The following SCMH1 variants were observed in gnomAD, a reference collection of about 807,000 sequenced individuals.
The protein encoded by SCMH1 is Scm polycomb group protein homolog 1, also known as polycomb protein SCMH1.
Under a neutral mutation model 70.8 loss-of-function variants are expected in SCMH1, and 37 were observed. That is an observed-to-expected ratio of 0.52 (90% CI 0.40 to 0.69). The LOEUF (loss-of-function observed/expected upper bound fraction) is 0.69. Among genes scored for constraint, SCMH1 ranks in the 30% least tolerant of loss-of-function variants. The pLI, the probability that SCMH1 is intolerant of heterozygous loss-of-function variation, is 0.00. For missense variants in SCMH1, 607 were observed against 827.3 expected (o/e 0.73, Z 3.27); for synonymous variants, 292 against 307.4 (o/e 0.95, Z 0.52).
rs1558252932 is a variant in SCMH1 at position 41,028,740 on chromosome 1, G to A, written c.1679-14C>T. On this transcript the variant is annotated splice_polypyrimidine_tract_variant and intron_variant, in intron 13 of 14. Coordinates refer to ENST00000337495, the Ensembl canonical transcript of SCMH1. ...ATCGGTCCGACCCTGCAGGACAGGA[G>A]GGCACCTACCATAAAGGGCGGGGAC... The A allele has an allele frequency of 5.0e-6, 8 of 1,613,500 alleles. No homozygotes were observed. The highest frequency in any genetic ancestry group is 5.1e-6 in the Non-Finnish European group (6 of 1,179,744).
At chr1:41,201,374 G>A (rs1447708736) in intron 1 of SCMH1, among the ~76,000 whole-genome samples, 1 of 152,052 alleles carries the variant, frequency 6.6e-6, no homozygotes, top group Non-Finnish European at 1.5e-5. Flanking sequence ...ACTTCCTCAG[G>A]GCTGCCAATT....
chr1:41,227,264 A>G (rs1660451367), intron 1 of SCMH1, among the ~76,000 whole-genome samples: 1 of 152,170 alleles, frequency 6.6e-6, no homozygotes, highest in Non-Finnish European at 1.5e-5. Context: ...GACTTAGCAC[A>G]TGCTGTTTGC....
In SCMH1 at chr1:41,231,221, T is replaced by A. The variant is rs139053048; in HGVS notation, c.-118+10838A>T. ...GAAACTGAGGCAGAAAAAGTTCATATGACATCCACCTAGTATACATTCTGG... is the reference window on the plus strand; with the variant it reads ...GAAACTGAGGCAGAAAAAGTTCATAAGACATCCACCTAGTATACATTCTGG... On this transcript the variant is annotated intron_variant, in intron 1 of 14. Coordinates refer to ENST00000337495, the Ensembl canonical transcript of SCMH1. 7.3e-3 allele frequency among the ~76,000 whole-genome samples: 1,106 copies of A among 152,308 alleles called. 17 individuals carry two copies. Among genetic ancestry groups the A allele is most frequent in the African/African-American group, 0.025 (1,045 of 41,550 alleles).
chr1:41,160,200 C>A (rs1645900474), intron 4 of SCMH1, among the ~76,000 whole-genome samples: 1 of 152,062 alleles, frequency 6.6e-6, no homozygotes, highest in Admixed American at 6.5e-5. Context: ...CAAAATATAT[C>A]AAAATACTTG....
intron 6 of SCMH1, among the ~76,000 whole-genome samples, chr1:41,141,795 G>C (rs1644103239): frequency 6.6e-6 from 1 of 151,948 alleles, no homozygotes; most frequent in Admixed American, 6.6e-5. Context: ...TAGTTAGATT[G>C]ATTCAAAAAA....
chr1:41,203,246 C>T (rs953305106), intron 1 of SCMH1, among the ~76,000 whole-genome samples: 3 of 152,040 alleles, frequency 2.0e-5, no homozygotes, highest in African/African-American at 7.2e-5. Context: ...TGTAAATTTA[C>T]ACTTGAAAAA....
intron 5 of SCMH1, among the ~76,000 whole-genome samples, chr1:41,144,264 C>T (rs1477646719): frequency 1.3e-5 from 2 of 152,088 alleles, no homozygotes; most frequent in Admixed American, 1.3e-4. Flanking sequence ...TCCCCATTAC[C>T]CTCTCAGCCC....
At chr1:41,125,830 G>A (rs764090107) in intron 6 of SCMH1, among the ~76,000 whole-genome samples, 7 of 152,106 alleles carry the variant, frequency 4.6e-5, no homozygotes, top group Non-Finnish European at 1.0e-4. Context: ...TCCTGCCTCA[G>A]CTTCCCAAAG....
intron 1 of SCMH1, among the ~76,000 whole-genome samples, chr1:41,228,215 C>T (rs1023445441): frequency 6.6e-6 from 1 of 152,040 alleles, no homozygotes; most frequent in South Asian, 2.1e-4. Flanking sequence ...CATTGTTCTC[C>T]CCTACCTGTG....
chr1:41,107,750 C>T lies in SCMH1; in HGVS notation c.745+5533G>A, dbSNP rs554712621. On this transcript the variant is annotated intron_variant, in intron 8 of 14. Transcript: ENST00000337495. ...GGCCAGGATGGTCTCGATCTCTTGA[C>T]CTTGTGATCTGCCTGCCTCGGCCTC... 2.6e-5 allele frequency among the ~76,000 whole-genome samples: 4 copies of T among 152,250 alleles called. No homozygotes were observed. The South Asian group carries it at 8.3e-4, about 32-fold the overall frequency.
At chr1:41,074,001 C>T (rs1657398038) in intron 9 of SCMH1, among the ~76,000 whole-genome samples, 1 of 151,752 alleles carries the variant, frequency 6.6e-6, no homozygotes, top group African/African-American at 2.4e-5. Context: ...TCAGAGAAAT[C>T]TCCCAACAGT....
intron 11 of SCMH1, among the ~76,000 whole-genome samples, chr1:41,047,392 C>CTTTTTTT (rs397861246): frequency 2.7e-5 from 3 of 112,454 alleles, no homozygotes; most frequent in East Asian, 2.8e-4. Context: ...ACTTCCCAGT[C>CTTTTTTT]TTTTTTTTTT....
intron 6 of SCMH1, among the ~76,000 whole-genome samples, chr1:41,122,453 T>A: frequency 6.6e-6 from 1 of 152,200 alleles, no homozygotes; most frequent in East Asian, 1.9e-4. Context: ...TATCACCATC[T>A]GAATTTTCTT....
exon 5 of SCMH1, chr1:41,151,635 C>T (rs768004804): frequency 2.3e-5 from 37 of 1,612,140 alleles, no homozygotes; most frequent in East Asian, 8.9e-5. Context: ...AATGGACAGG[C>T]GCTGGGACTG....
rs1301321575 is a variant in SCMH1 at position 41,079,643 on chromosome 1, G to A, written c.746-4192C>T. 3.3e-5 allele frequency among the ~76,000 whole-genome samples: 5 copies of A among 152,084 alleles called. No individual in the cohort carries two copies. The East Asian group carries it at 9.6e-4, about 29-fold the overall frequency. On this transcript the variant is annotated intron_variant, in intron 8 of 14. Coordinates refer to ENST00000337495, the Ensembl canonical transcript of SCMH1. ...TTTATGCCAATTAAATATGAAAATTGAGATAAAATGTCACTCAAGACCAGC... is the reference window on the plus strand; with the variant it reads ...TTTATGCCAATTAAATATGAAAATTAAGATAAAATGTCACTCAAGACCAGC...
At chr1:41,047,505 T>C (rs957446528) in intron 11 of SCMH1, among the ~76,000 whole-genome samples, 6 of 150,794 alleles carry the variant, frequency 4.0e-5, no homozygotes, top group Non-Finnish European at 7.4e-5. Context: ...CAAGCAATTC[T>C]CTTGCCTCAG....
chr1:41,215,837 A>G (rs1014135788), intron 1 of SCMH1, among the ~76,000 whole-genome samples: 8 of 152,198 alleles, frequency 5.3e-5, no homozygotes, highest in African/African-American at 1.9e-4. Context: ...CTGGGATCCA[A>G]TATACTGCCT....
rs759093119 is a variant in SCMH1 at position 41,075,474 on chromosome 1, A to G, written c.746-23T>C. On this transcript the variant is annotated intron_variant, in intron 8 of 14. Coordinates refer to ENST00000337495, the Ensembl canonical transcript of SCMH1. Reference sequence around the variant, plus strand: ...CAACTGCAAGAAAAAGACTCATTCTATCACCCTCCCTCCCCCCTGCATTCT... The same window carrying G: ...CAACTGCAAGAAAAAGACTCATTCTGTCACCCTCCCTCCCCCCTGCATTCT... 3.2e-6 allele frequency: 5 copies of G among 1,585,640 alleles called. No individual in the cohort carries two copies. In the African/African-American group the frequency reaches 6.7e-5, roughly 21 times the overall value.
chr1:41,188,750 A>T (rs1457668088), intron 1 of SCMH1, among the ~76,000 whole-genome samples: 1 of 150,072 alleles, frequency 6.7e-6, no homozygotes. Context: ...TTAAGATACA[A>T]TTAAAAACTT....
Sources: gnomAD v4.1 joint callset for allele counts (sites outside exome capture counted in the v4.1 genomes callset) on GRCh38, gnomAD v4.1.1 for gene constraint, MANE v1.5 for transcripts, NCBI Gene and HGNC (gene_info 2026-07-23, HGNC 2026-07-21) for gene names.